The following SPMIP2 variants were observed in gnomAD, a reference collection of about 807,000 sequenced individuals.
SPMIP2 encodes sperm microtubule inner protein 2.
the SPMIP2 span, among the ~76,000 whole-genome samples, chr4:158,939,054 G>A: frequency 5.9e-5 from 9 of 152,274 alleles, no homozygotes; most frequent in African/African-American, 1.9e-4. Context: ...TTCTCTTCAC[G>A]CTGGTGCTTC....
At chr4:159,037,554 G>A in the SPMIP2 span, among the ~76,000 whole-genome samples, 2 of 151,652 alleles carry the variant, frequency 1.3e-5, no homozygotes, top group Admixed American at 6.6e-5. Flanking sequence ...CGAGATGGGT[G>A]AATTCCTTGA....
chr4:159,082,107 C>T, the SPMIP2 span, among the ~76,000 whole-genome samples: 2 of 144,046 alleles, frequency 1.4e-5, no homozygotes, highest in African/African-American at 2.6e-5. Context: ...CACTTGAGGT[C>T]AGGAATTTGA....
chr4:159,018,613 T>C, the SPMIP2 span, among the ~76,000 whole-genome samples: 1 of 152,012 alleles, frequency 6.6e-6, no homozygotes, highest in African/African-American at 2.4e-5. Flanking sequence ...TGAAAGGAGA[T>C]TGTATTAATT....
chr4:159,077,454 C>A, the SPMIP2 span, among the ~76,000 whole-genome samples: 1 of 152,070 alleles, frequency 6.6e-6, no homozygotes, highest in Admixed American at 6.5e-5. Context: ...CCCAGATTTT[C>A]TTTTAATGTG....
At chr4:158,901,122 G>A in the SPMIP2 span, among the ~76,000 whole-genome samples, 1 of 142,708 alleles carries the variant, frequency 7.0e-6, no homozygotes, top group Non-Finnish European at 1.5e-5. Context: ...GAAATTCTGG[G>A]TTGAAATTTT....
chr4:158,939,225 G>A, the SPMIP2 span, among the ~76,000 whole-genome samples: 1 of 152,012 alleles, frequency 6.6e-6, no homozygotes, highest in African/African-American at 2.4e-5. Flanking sequence ...CTATCCAGAT[G>A]GTAAATCTTG....
the SPMIP2 span, among the ~76,000 whole-genome samples, chr4:159,023,503 C>T: frequency 2.6e-5 from 4 of 152,164 alleles, no homozygotes; most frequent in East Asian, 1.9e-4. Context: ...CCTGTAGTTA[C>T]GTCACTTCAT....
the SPMIP2 span, among the ~76,000 whole-genome samples, chr4:158,989,252 A>C: frequency 1.3e-5 from 2 of 152,242 alleles, no homozygotes; most frequent in East Asian, 3.8e-4. Flanking sequence ...AGCAAATGGA[A>C]AACATTCCGT....
At chr4:159,015,795 A>G in the SPMIP2 span, among the ~76,000 whole-genome samples, 1 of 152,356 alleles carries the variant, frequency 6.6e-6, no homozygotes, top group East Asian at 1.9e-4. Context: ...TGCAATTAGA[A>G]TGAGTAATGA....
the SPMIP2 span, among the ~76,000 whole-genome samples, chr4:158,917,399 C>T: frequency 2.0e-5 from 3 of 152,004 alleles, no homozygotes; most frequent in African/African-American, 7.2e-5. Context: ...TGCACTCCAG[C>T]CTGGGTGACA....
the SPMIP2 span, among the ~76,000 whole-genome samples, chr4:158,968,215 G>T: frequency 1.3e-5 from 2 of 152,122 alleles, no homozygotes; most frequent in South Asian, 4.2e-4. Context: ...TTTTAATAGA[G>T]ACAGGGTTTC....
At chr4:158,941,125 A>G in the SPMIP2 span, among the ~76,000 whole-genome samples, 2 of 152,212 alleles carry the variant, frequency 1.3e-5, no homozygotes, top group Non-Finnish European at 2.9e-5. Context: ...AGAAAAAAAA[A>G]TGCAAATGCA....
At chr4:158,920,615 G>C in the SPMIP2 span, among the ~76,000 whole-genome samples, 2 of 152,122 alleles carry the variant, frequency 1.3e-5, no homozygotes, top group Non-Finnish European at 2.9e-5. Flanking sequence ...AAAAAACTCC[G>C]CCCTGGTAAA....
the SPMIP2 span, among the ~76,000 whole-genome samples, chr4:158,968,545 T>C: frequency 2.6e-5 from 4 of 152,288 alleles, no homozygotes; most frequent in East Asian, 1.9e-4. Flanking sequence ...TCTGATCTCA[T>C]TGTCTATCAT....
the SPMIP2 span, among the ~76,000 whole-genome samples, chr4:158,978,432 T>A: frequency 6.6e-6 from 1 of 152,232 alleles, no homozygotes; most frequent in African/African-American, 2.4e-5. Context: ...CTATTAGGTC[T>A]GCTTCATCCA....
the SPMIP2 span, among the ~76,000 whole-genome samples, chr4:159,056,290 G>C: frequency 3.3e-5 from 5 of 152,162 alleles, no homozygotes; most frequent in South Asian, 8.3e-4. Flanking sequence ...TTTCCTTAAA[G>C]CTATCATTTC....
the SPMIP2 span, chr4:158,906,532 T>A: frequency 2.0e-5 from 3 of 152,276 alleles, no homozygotes; most frequent in East Asian, 5.8e-4. Context: ...ATTAAAAAAA[T>A]TCAGCCCAGG....
At chr4:158,939,074 A>C in the SPMIP2 span, among the ~76,000 whole-genome samples, 1 of 152,344 alleles carries the variant, frequency 6.6e-6, no homozygotes, top group East Asian at 1.9e-4. Context: ...CCTCAGCATC[A>C]CTTGCTAATT....
chr4:159,042,093 C>A, the SPMIP2 span, among the ~76,000 whole-genome samples: 1 of 152,356 alleles, frequency 6.6e-6, no homozygotes, highest in East Asian at 1.9e-4. Flanking sequence ...AGAAACTATT[C>A]CCTCTGTGGG....
Sources: gnomAD v4.1 joint callset for allele counts (sites outside exome capture counted in the v4.1 genomes callset) on GRCh38, gnomAD v4.1.1 for gene constraint, MANE v1.5 for transcripts, NCBI Gene and HGNC (gene_info 2026-07-23, HGNC 2026-07-21) for gene names.